Variants in PTPRD observed in about 807,000 individuals in gnomAD.
PTPRD encodes the protein protein tyrosine phosphatase receptor type D, also known as receptor-type tyrosine-protein phosphatase delta.
PTPRD carries 34 observed loss-of-function variants against 214.5 expected under a neutral mutation model. The observed-to-expected ratio is 0.16, with a 90% CI of 0.12 to 0.21. The LOEUF (loss-of-function observed/expected upper bound fraction) is 0.21. PTPRD is among the 10% of genes least tolerant of loss of function. PTPRD has a pLI of 1.00. For missense variants in PTPRD, 2,545 were observed against 2,398.7 expected, an observed-to-expected ratio of 1.06 and a Z score of -1.27; for synonymous variants, 1,128 against 845.7, an observed-to-expected ratio of 1.33 and a Z score of -5.79.
intron 6 of PTPRD, among the ~76,000 whole-genome samples, chr9:9,757,483 G>A (rs1310625609): frequency 6.6e-6 from 1 of 152,060 alleles, no homozygotes; most frequent in Non-Finnish European, 1.5e-5. Flanking sequence ...TTTTTGTTCA[G>A]TTATTTTCTC....
chr9:9,036,209 T>TAA lies in PTPRD; in HGVS notation c.-142-17476_-142-17475dup, dbSNP rs34390768. On this transcript the variant is annotated intron_variant, in intron 10 of 45. Coordinates refer to ENST00000381196, the MANE Select transcript of PTPRD (RefSeq NM_002839.4). ...CCTCATTTGCAAATTTTCAGAAAAT[T>TAA]AAAAAAAAAAAAAAACTTGGCAGGT... 4.8e-3 allele frequency among the ~76,000 whole-genome samples: 678 copies of TAA among 141,152 alleles called. 4 individuals are homozygous for TAA. Among genetic ancestry groups the TAA allele is most frequent in the East Asian group, 0.02 (95 of 4,788 alleles). The allele number at this position is 141,152 out of a possible 152,430, so 92.6% of individuals were successfully genotyped here.
At chr9:9,124,974 G>T (rs2099826027) in intron 10 of PTPRD, among the ~76,000 whole-genome samples, 2 of 152,248 alleles carry the variant, frequency 1.3e-5, no homozygotes, top group South Asian at 2.1e-4. Flanking sequence ...TTGAGCAACT[G>T]GTTCCTCTCC....
chr9:10,465,897 C>G (rs1384824672), intron 2 of PTPRD, among the ~76,000 whole-genome samples: 2 of 152,090 alleles, frequency 1.3e-5, no homozygotes, highest in Non-Finnish European at 2.9e-5. Flanking sequence ...AAACTAACTG[C>G]TACACAGTTC....
chr9:10,026,957 A>G (rs1358324687), intron 4 of PTPRD, among the ~76,000 whole-genome samples: 1 of 152,126 alleles, frequency 6.6e-6, no homozygotes, highest in African/African-American at 2.4e-5. Context: ...AATAGCTCCA[A>G]TCGATTTTAA....
intron 11 of PTPRD, among the ~76,000 whole-genome samples, chr9:8,806,972 T>A (rs1034485213): frequency 8.5e-5 from 13 of 152,178 alleles, no homozygotes; most frequent in African/African-American, 3.1e-4. Flanking sequence ...GACCCATGAA[T>A]TGCCTTTGTT....
At chr9:9,145,509 A>G (rs560830040) in intron 10 of PTPRD, among the ~76,000 whole-genome samples, 104 of 152,286 alleles carry the variant, frequency 6.8e-4, no homozygotes, top group African/African-American at 2.4e-3. Flanking sequence ...TTTAATTTCT[A>G]AGTTAAATAT....
At chr9:10,253,907 C>G (rs2093012399) in intron 3 of PTPRD, among the ~76,000 whole-genome samples, 1 of 152,180 alleles carries the variant, frequency 6.6e-6, no homozygotes, top group Non-Finnish European at 1.5e-5. Context: ...GAATATCACT[C>G]TTGCCAGCAA....
chr9:9,298,912 C>A (rs140092117), intron 9 of PTPRD, among the ~76,000 whole-genome samples: 1 of 151,750 alleles, frequency 6.6e-6, no homozygotes, highest in Non-Finnish European at 1.5e-5. Context: ...ATGTTTCCAT[C>A]ACAATGAGCA....
chr9:8,797,504 T>A (rs2096463939), intron 11 of PTPRD, among the ~76,000 whole-genome samples: 2 of 152,212 alleles, frequency 1.3e-5, no homozygotes, highest in African/African-American at 4.8e-5. Flanking sequence ...AAGTTCTTTC[T>A]GCACCATCAC....
intron 10 of PTPRD, among the ~76,000 whole-genome samples, chr9:9,089,928 T>C (rs1243192989): frequency 2.0e-5 from 3 of 152,172 alleles, no homozygotes; most frequent in Non-Finnish European, 4.4e-5. Context: ...CTTTTCCAGT[T>C]TTTATTTTTT....
chr9:9,606,182 T>C (rs1311087570), intron 7 of PTPRD, among the ~76,000 whole-genome samples: 1 of 152,076 alleles, frequency 6.6e-6, no homozygotes, highest in Non-Finnish European at 1.5e-5. Context: ...GTAGGTGTCA[T>C]TACACTCGGT....
chr9:8,828,453 A>C (rs1447173427), intron 11 of PTPRD, among the ~76,000 whole-genome samples: 1 of 152,164 alleles, frequency 6.6e-6, no homozygotes, highest in African/African-American at 2.4e-5. Flanking sequence ...CCAAACAGGA[A>C]CCAAATCACC....
At chr9:8,782,723 G>C (rs961224482) in intron 11 of PTPRD, among the ~76,000 whole-genome samples, 1 of 151,560 alleles carries the variant, frequency 6.6e-6, no homozygotes, top group Non-Finnish European at 1.5e-5. Context: ...TCAGCCTCCG[G>C]AGTAGCTGGG....
At chr9:9,543,804 G>A (rs568357431) in intron 8 of PTPRD, among the ~76,000 whole-genome samples, 3 of 151,564 alleles carry the variant, frequency 2.0e-5, no homozygotes, top group Non-Finnish European at 3.0e-5. Context: ...TTTTCTAAAA[G>A]GTTATTAAAA....
chr9:10,043,833 T>C (rs1367089973), intron 3 of PTPRD, among the ~76,000 whole-genome samples: 1 of 151,854 alleles, frequency 6.6e-6, no homozygotes, highest in Non-Finnish European at 1.5e-5. Flanking sequence ...TTATCTTTAG[T>C]AAGATAAATA....
chr9:9,994,034 C>A (rs189318990), intron 4 of PTPRD, among the ~76,000 whole-genome samples: 1 of 152,156 alleles, frequency 6.6e-6, no homozygotes, highest in Admixed American at 6.5e-5. Context: ...GAGTGGGGGA[C>A]AATTTATCCC....
intron 3 of PTPRD, among the ~76,000 whole-genome samples, chr9:10,076,185 T>C (rs2098129329): frequency 2.0e-5 from 3 of 152,002 alleles, no homozygotes; most frequent in Admixed American, 6.6e-5. Context: ...AGGGTCTACG[T>C]CTTGCACTGC....
At chr9:9,746,888 G>C (rs900363786) in intron 6 of PTPRD, among the ~76,000 whole-genome samples, 2 of 148,814 alleles carry the variant, frequency 1.3e-5, no homozygotes, top group Non-Finnish European at 3.0e-5. Flanking sequence ...ATATAGACAA[G>C]TATATGAATT....
At chr9:9,019,312 G>GA (rs770749545) in intron 10 of PTPRD, among the ~76,000 whole-genome samples, 3 of 109,668 alleles carry the variant, frequency 2.7e-5, no homozygotes, top group African/African-American at 1.1e-4. Context: ...AAGAAAGAAA[G>GA]AAAGAAAGAA....
Sources: allele counts gnomAD v4.1 joint callset (sites outside exome capture counted in the v4.1 genomes callset), GRCh38; gene constraint gnomAD v4.1.1; transcripts MANE v1.5; gene names NCBI Gene and HGNC (gene_info 2026-07-23, HGNC 2026-07-21).